Variants in RPAP2 observed in about 807,000 individuals in gnomAD.
RPAP2 encodes the protein RNA polymerase II associated protein 2.
A neutral mutation model predicts 73.1 loss-of-function variants in RPAP2; 52 were observed. The ratio of observed to expected loss-of-function variants is 0.71; its 90% CI spans 0.57 to 0.90. RPAP2 has a LOEUF of 0.90. RPAP2 is among the 40% of genes least tolerant of loss of function. The probability of loss-of-function intolerance (pLI) is 0.00; values close to 1 mark genes in which losing one functional copy is unlikely to be tolerated. For missense variants in RPAP2, 598 were observed against 701.8 expected (o/e 0.85, Z 1.67); for synonymous variants, 225 against 242.1 (o/e 0.93, Z 0.65).
chr1:92,308,035 C>T (rs1174731697), intron 6 of RPAP2, among the ~76,000 whole-genome samples: 1 of 151,862 alleles, frequency 6.6e-6, no homozygotes, highest in Non-Finnish European at 1.5e-5. Flanking sequence ...AAACTAATGA[C>T]CTAAACATAA....
At chr1:92,386,858 G>A (rs1233180014) in intron 12 of RPAP2, among the ~76,000 whole-genome samples, 153 bp from the exon 13 acceptor site, 1 of 152,014 alleles carries the variant, frequency 6.6e-6, no homozygotes, top group Admixed American at 6.6e-5. Flanking sequence ...ATGCCACCAT[G>A]CCTGGCAAAC....
intron 1 of RPAP2, 46 bp downstream of exon 1, chr1:92,299,192 C>T (rs1328889627): frequency 1.6e-6 from 2 of 1,236,280 alleles, no homozygotes; most frequent in Non-Finnish European, 2.2e-6. Flanking sequence ...GAAAGCTGGG[C>T]CCCGATCTCG....
intron 11 of RPAP2, among the ~76,000 whole-genome samples, chr1:92,367,729 C>T (rs761048922): frequency 1.2e-4 from 19 of 152,164 alleles, no homozygotes; most frequent in Non-Finnish European, 2.6e-4. Flanking sequence ...AACCCCAAAC[C>T]ATAGAGAAGC....
intron 11 of RPAP2, among the ~76,000 whole-genome samples, chr1:92,370,982 AT>A (rs966381975): frequency 6.6e-6 from 1 of 152,216 alleles, no homozygotes; most frequent in Non-Finnish European, 1.5e-5. Context: ...TAGTACAGCC[AT>A]TATGGAGAAC....
chr1:92,369,996 T>C lies in RPAP2; in HGVS notation c.1689-10728T>C, dbSNP rs1264750303. On this transcript the variant is annotated intron_variant, in intron 11 of 12. Transcript: ENST00000610020. ...ACCTCCAGGGTTCAAGTGATTCTTG[T>C]GCCTCATCCTCCCAAGTAGCTGGGA... Among the ~76,000 whole-genome samples, 2 of 152,192 alleles carry C rather than the reference T, an allele frequency of 1.3e-5. 1 individual carries two copies.
In RPAP2 at chr1:92,395,169, C is replaced by T. The variant is rs983574242; in HGVS notation, c.*8158C>T. On this transcript the variant is annotated 3_prime_UTR_variant, in exon 13 of 13. Transcript: ENST00000610020. Reference sequence around the variant, plus strand: ...AAAAATAAACTCAAAATTGATCACACACCTACATGTAAGAGCTAAAACTAT... The same window carrying T: ...AAAAATAAACTCAAAATTGATCACATACCTACATGTAAGAGCTAAAACTAT... The T allele has an allele frequency of 2.0e-5, 3 of 152,146 alleles. No individual in the cohort carries two copies. The highest frequency in any genetic ancestry group is 2.9e-5 in the Non-Finnish European group (2 of 68,028). 9.4% of individuals were successfully genotyped at this position (152,146 alleles called of 1,614,324 possible). A position where few individuals can be genotyped will look rare whatever the true frequency, so the allele number is the denominator to read the frequency against.
At chr1:92,337,150 A>G (rs529406925) in intron 10 of RPAP2, among the ~76,000 whole-genome samples, 7 of 152,166 alleles carry the variant, frequency 4.6e-5, no homozygotes, top group Non-Finnish European at 8.8e-5. Flanking sequence ...GCACTGACAC[A>G]GAATAAACTT....
intron 8 of RPAP2, among the ~76,000 whole-genome samples, chr1:92,326,917 G>C (rs917164747): frequency 6.6e-6 from 1 of 152,194 alleles, no homozygotes; most frequent in Non-Finnish European, 1.5e-5. Flanking sequence ...ACATCTCCCA[G>C]CCTGTGGAGT....
chr1:92,343,622 T>G (rs1220756932), intron 10 of RPAP2, among the ~76,000 whole-genome samples: 3 of 152,218 alleles, frequency 2.0e-5, no homozygotes, highest in African/African-American at 7.2e-5. Context: ...TATAATTAAT[T>G]TATTCAAAAA....
intron 6 of RPAP2, 102 bp downstream of exon 6, chr1:92,307,378 T>C (rs1219122350): frequency 1.1e-5 from 8 of 720,360 alleles, no homozygotes; most frequent in East Asian, 2.8e-5. Context: ...CTGTAAAAAG[T>C]TACCATTTTA....
intron 12 of RPAP2, among the ~76,000 whole-genome samples, chr1:92,385,082 G>T (rs558392750): frequency 1.3e-5 from 2 of 151,864 alleles, no homozygotes; most frequent in Admixed American, 1.3e-4. Flanking sequence ...GCTGAGGCAG[G>T]AGGATTTCTT....
At chr1:92,304,370 T>C in intron 5 of RPAP2, 21 bp downstream of exon 5, 1 of 1,408,918 alleles carries the variant, frequency 7.1e-7, no homozygotes, top group Non-Finnish European at 9.7e-7. Context: ...AGGCTTTCAT[T>C]GTGGCAATTA....
chr1:92,370,127 C>T (rs966046008), intron 11 of RPAP2, among the ~76,000 whole-genome samples: 7 of 152,190 alleles, frequency 4.6e-5, no homozygotes, highest in Non-Finnish European at 1.0e-4. Context: ...AAAAGTGATC[C>T]GCCCGCATCA....
chr1:92,305,198 C>T (rs1352513054), intron 5 of RPAP2, among the ~76,000 whole-genome samples: 4 of 151,574 alleles, frequency 2.6e-5, no homozygotes, highest in African/African-American at 9.7e-5. Context: ...TTTGGGAGGC[C>T]GAGGCGGGCA....
At position 92,310,059 on chromosome 1, in the gene RPAP2, AC is replaced by A. The variant is rs10706811; in HGVS notation, c.488+2785del. 5.9e-3 allele frequency among the ~76,000 whole-genome samples: 900 copies of A among 152,330 alleles called. 6 individuals carry two copies. The highest frequency in any genetic ancestry group is 0.019 in the African/African-American group (792 of 41,562). ...TTCTTAAACTAGTGATCCGTATGAGACCAGGATTCTATTTATTATATTCCAC... is the reference window on the plus strand; with the variant it reads ...TTCTTAAACTAGTGATCCGTATGAGACAGGATTCTATTTATTATATTCCAC... On this transcript the variant is annotated intron_variant, in intron 6 of 12. Coordinates refer to ENST00000610020, the MANE Select transcript of RPAP2 (RefSeq NM_024813.3).
Position 92,373,760 on chromosome 1 carries a change from A to T in RPAP2, c.1689-6964A>T, listed in dbSNP as rs923487038. The stretch of plus-strand genomic sequence containing the variant: ...AAAATAAAAAAAAAAAAAAAAAAAA[A>T]AAAAAAAAAAGTAGCCAGGCGTGGT... On this transcript the variant is annotated intron_variant, in intron 11 of 12. Coordinates refer to ENST00000610020, the MANE Select transcript of RPAP2 (RefSeq NM_024813.3). Among the ~76,000 whole-genome samples the T allele has an allele frequency of 1.6e-3, 238 of 147,988 alleles. 2 individuals are homozygous for T. Among genetic ancestry groups the T allele is most frequent in the Admixed American group, 3.5e-3 (52 of 14,748 alleles).
rs1656314897 is a variant in RPAP2 at position 92,401,411 on chromosome 1, T to A, written c.*14400T>A. 1 of 152,232 alleles carries A rather than the reference T, an allele frequency of 6.6e-6. No homozygotes were observed. The highest frequency in any genetic ancestry group is 2.4e-5 in the African/African-American group (1 of 41,446). 9.4% of individuals were successfully genotyped at this position (152,232 alleles called of 1,614,324 possible). ...AAGGACCATTTTTAGGACAATACTT[T>A]CCCTACTACTTAGTTCTAGTCCCTT... On this transcript the variant is annotated 3_prime_UTR_variant, in exon 13 of 13. Coordinates refer to ENST00000610020, the MANE Select transcript of RPAP2 (RefSeq NM_024813.3).
At chr1:92,350,313 A>G in intron 11 of RPAP2, among the ~76,000 whole-genome samples, 1 of 152,220 alleles carries the variant, frequency 6.6e-6, no homozygotes, top group East Asian at 1.9e-4. Flanking sequence ...TGTTACAATT[A>G]AAGACTCTCA....
intron 11 of RPAP2, among the ~76,000 whole-genome samples, chr1:92,371,889 CAA>C (rs1164408246): frequency 2.6e-4 from 24 of 92,116 alleles, no homozygotes; most frequent in Non-Finnish European, 3.7e-4. Context: ...GACCCTGTCT[CAA>C]AAAAAAAAAA....
Sources: gnomAD v4.1 joint callset for allele counts (sites outside exome capture counted in the v4.1 genomes callset) on GRCh38, gnomAD v4.1.1 for gene constraint, MANE v1.5 for transcripts, NCBI Gene and HGNC (gene_info 2026-07-23, HGNC 2026-07-21) for gene names.